Variants in DPYSL5 observed in about 807,000 individuals in gnomAD.
DPYSL5 encodes the protein dihydropyrimidinase-related protein 5.
A neutral mutation model predicts 58.4 loss-of-function variants in DPYSL5; 9 were observed. The ratio of observed to expected loss-of-function variants is 0.15; its 90% CI spans 0.09 to 0.27. The LOEUF (loss-of-function observed/expected upper bound fraction) is 0.27, where lower values mean the gene tolerates loss of function less well. Ranked by LOEUF, DPYSL5 falls within the 10% of genes least tolerant of loss-of-function variation. DPYSL5 has a pLI of 1.00. For synonymous variants in DPYSL5, 293 were observed against 301.9 expected (o/e 0.97, Z 0.31); for missense variants, 499 against 770.6 (o/e 0.65, Z 4.17).
intron 6 of DPYSL5, among the ~76,000 whole-genome samples, chr2:26,932,211 AG>A (rs1665048740): frequency 2.8e-5 from 1 of 35,624 alleles, no homozygotes; most frequent in Non-Finnish European, 6.5e-5. Flanking sequence ...AAGAAAGAAA[AG>A]AAAGAAAGAA....
Position 26,947,101 on chromosome 2 carries a change from C to G in DPYSL5, c.*106C>G. The G allele has an allele frequency of 1.0e-6, 1 of 998,148 alleles. No homozygotes were observed. The allele number at this position is 998,148 out of a possible 1,614,324, so 61.8% of individuals were successfully genotyped here. A position where few individuals can be genotyped will look rare whatever the true frequency, so the allele number is the denominator to read the frequency against. On this transcript the variant is annotated 3_prime_UTR_variant, in exon 13 of 13. Transcript: ENST00000288699. This position sits in a 1 kb window ranked among gnomAD's most constrained non-coding sequence, Gnocchi z 4.2. ...GAGGCTGGGCTGGGTGGCACACCAC[C>G]CGAGGGGGGCCCCGGGACCCACGGA... is the stretch of plus-strand genomic sequence containing the variant.
intron 8 of DPYSL5, among the ~76,000 whole-genome samples, chr2:26,936,416 T>C (rs577134770): frequency 3.3e-5 from 5 of 151,764 alleles, no homozygotes; most frequent in African/African-American, 9.7e-5. Flanking sequence ...CTAAACAGAG[T>C]TGGGGGGTGC....
intron 2 of DPYSL5, among the ~76,000 whole-genome samples, chr2:26,912,787 T>A (rs1318851959): frequency 6.6e-6 from 1 of 152,256 alleles, no homozygotes; most frequent in East Asian, 1.9e-4. Context: ...TTCATCATTT[T>A]ACATGTTGGC....
At chr2:26,893,330 T>C (rs1312088549) in intron 1 of DPYSL5, among the ~76,000 whole-genome samples, 1 of 152,204 alleles carries the variant, frequency 6.6e-6, no homozygotes, top group African/African-American at 2.4e-5. Flanking sequence ...TCTCCAAATA[T>C]CTGACATGTG....
At chr2:26,852,579 G>C (rs1665782810) in intron 1 of DPYSL5, among the ~76,000 whole-genome samples, 1 of 152,126 alleles carries the variant, frequency 6.6e-6, no homozygotes, top group Non-Finnish European at 1.5e-5. Context: ...GCCCTGTTCT[G>C]TACTTGTTCC....
At chr2:26,870,344 G>A (rs570590875) in intron 1 of DPYSL5, among the ~76,000 whole-genome samples, 5 of 152,252 alleles carry the variant, frequency 3.3e-5, no homozygotes, top group Admixed American at 3.3e-4. Context: ...TTGATTTGTG[G>A]ATGTAAAGAA....
Position 26,849,803 on chromosome 2 carries a change from G to A in DPYSL5, c.-5+1549G>A, listed in dbSNP as rs1485973638. On this transcript the variant is annotated intron_variant, in intron 1 of 12. Transcript: ENST00000288699. The surrounding 1 kb of genome is among the most constrained non-coding windows in gnomAD (Gnocchi z 6.2). Reference sequence around the variant, plus strand: ...TGGCTTTGGGGTTTTATGGGGGCCTGGCCACGCCGGGAATCCCGTGTGGGA... The same window carrying A: ...TGGCTTTGGGGTTTTATGGGGGCCTAGCCACGCCGGGAATCCCGTGTGGGA... 6.6e-6 allele frequency among the ~76,000 whole-genome samples: 1 copy of A among 152,216 alleles called. No homozygotes were observed. Among genetic ancestry groups the A allele is most frequent in the African/African-American group, 2.4e-5 (1 of 41,476 alleles).
rs562238313 is a variant in DPYSL5, at chr2:26,867,451, T to TG, written c.-5+19197_-5+19198insG. On this transcript the variant is annotated intron_variant, in intron 1 of 12. Transcript: ENST00000288699. ...TTTGTTCCCAATTGTTTGTTTTTTT[T>TG]TTTGTTTGTTTTTTTTTTTTTTGAG... is the stretch of plus-strand genomic sequence containing the variant. Among the ~76,000 whole-genome samples, 475 of 142,720 alleles carry TG rather than the reference T, an allele frequency of 3.3e-3. 4 individuals are homozygous for TG. The highest frequency in any genetic ancestry group is 0.012 in the African/African-American group (439 of 36,620). 93.6% of individuals were successfully genotyped at this position (142,720 alleles called of 152,430 possible).
intron 1 of DPYSL5, among the ~76,000 whole-genome samples, chr2:26,865,880 C>G (rs1478197934): frequency 1.3e-5 from 2 of 152,174 alleles, no homozygotes; most frequent in African/African-American, 4.8e-5. Context: ...CCTTGCCCCC[C>G]ACCAGCAATT....
chr2:26,921,298 G>A (rs1018383779), intron 2 of DPYSL5, among the ~76,000 whole-genome samples: 1 of 152,178 alleles, frequency 6.6e-6, no homozygotes, highest in Non-Finnish European at 1.5e-5. Context: ...TCAGGAGTTC[G>A]AGACCAGCCT....
intron 1 of DPYSL5, among the ~76,000 whole-genome samples, chr2:26,853,732 T>A (rs1156418024): frequency 6.6e-6 from 1 of 152,184 alleles, no homozygotes; most frequent in African/African-American, 2.4e-5. Context: ...TACTTAGAAT[T>A]TCTTCTTTCT....
At chr2:26,928,458 G>A in intron 5 of DPYSL5, 135 bp downstream of exon 5, 1 of 975,816 alleles carries the variant, frequency 1.0e-6, no homozygotes. Flanking sequence ...CATTTGGGAG[G>A]CTGAGGTGGG....
intron 8 of DPYSL5, among the ~76,000 whole-genome samples, chr2:26,936,945 T>TTA (rs1665194558): frequency 1.3e-5 from 1 of 77,900 alleles, no homozygotes; most frequent in East Asian, 4.7e-4. Context: ...AGACTTCATT[T>TTA]AAAAAAAAAA....
intron 2 of DPYSL5, among the ~76,000 whole-genome samples, chr2:26,907,631 A>T (rs147294553): frequency 1.3e-5 from 2 of 152,166 alleles, no homozygotes; most frequent in Admixed American, 6.5e-5. Flanking sequence ...CATCAGGAAG[A>T]TGCCCTCCAT....
Position 26,925,209 on chromosome 2 carries a change from C to T in DPYSL5, c.420+164C>T, listed in dbSNP as rs1423367139. 2.6e-5 allele frequency among the ~76,000 whole-genome samples: 4 copies of T among 152,170 alleles called. No individual in the cohort carries two copies. The highest frequency in any genetic ancestry group is 6.5e-5 in the Admixed American group (1 of 15,282). On this transcript the variant is annotated intron_variant, in intron 3 of 12. Transcript: ENST00000288699. The surrounding 1 kb of genome is among the most constrained non-coding windows in gnomAD (Gnocchi z 4.5). ...CACACTTGGGATTCCATAAGGGGAG[C>T]GGATGGGCTTGTGCTGCTTAACTTA...
chr2:26,916,586 G>A (rs1445038193), intron 2 of DPYSL5, among the ~76,000 whole-genome samples: 2 of 152,142 alleles, frequency 1.3e-5, no homozygotes, highest in African/African-American at 2.4e-5. Context: ...GCCTCAGCCC[G>A]AACCTCAGCC....
Position 26,941,433 on chromosome 2 carries a change from A to G in DPYSL5, c.1090-517A>G, listed in dbSNP as rs116364173. 4.1e-3 allele frequency among the ~76,000 whole-genome samples: 619 copies of G among 152,312 alleles called. 4 individuals carry two copies. Among genetic ancestry groups the G allele is most frequent in the African/African-American group, 0.015 (603 of 41,566 alleles). ...GAATAAGTATTTTTGGTCTTGATCTATCTCAGATTAGATCTAAAATAGTAT... is the reference window on the plus strand; with the variant it reads ...GAATAAGTATTTTTGGTCTTGATCTGTCTCAGATTAGATCTAAAATAGTAT... On this transcript the variant is annotated intron_variant, in intron 9 of 12. Coordinates refer to ENST00000288699, the MANE Select transcript of DPYSL5 (RefSeq NM_020134.4).
Position 26,933,125 on chromosome 2 carries a change from T to C in DPYSL5, c.715-133T>C. 2.6e-6 allele frequency: 2 copies of C among 778,886 alleles called. No homozygotes were observed. Among genetic ancestry groups the C allele is most frequent in the South Asian group, 1.5e-5 (1 of 67,466 alleles). The allele number at this position is 778,886 out of a possible 1,614,324, so 48.2% of individuals were successfully genotyped here. ...AGCCCTGCATTCTCCGCTTAAGGAC[T>C]GTCACCTTGAGGGTGGGGTTGAGTG... On this transcript the variant is annotated intron_variant, in intron 6 of 12. Coordinates refer to ENST00000288699, the MANE Select transcript of DPYSL5 (RefSeq NM_020134.4). This position sits in a 1 kb window ranked among gnomAD's most constrained non-coding sequence, Gnocchi z 4.2.
intron 5 of DPYSL5, among the ~76,000 whole-genome samples, chr2:26,928,973 G>GT: frequency 6.6e-6 from 1 of 151,758 alleles, no homozygotes; most frequent in East Asian, 2.0e-4. Context: ...ATTCCTTTGA[G>GT]CATCTGAGGA....
Sources: allele counts gnomAD v4.1 joint callset (sites outside exome capture counted in the v4.1 genomes callset), GRCh38; gene constraint gnomAD v4.1.1; non-coding constraint Gnocchi (gnomAD v3.1); transcripts MANE v1.5; gene names NCBI Gene and HGNC (gene_info 2026-07-23, HGNC 2026-07-21).